The following RP1L1 variants were observed in gnomAD, a reference collection of about 807,000 sequenced individuals.
RP1L1 encodes RP1 like 1, also known as retinitis pigmentosa 1-like 1 protein.
RP1L1 carries 27 observed loss-of-function variants against 15.7 expected under a neutral mutation model. The ratio of observed to expected loss-of-function variants is 1.72; its 90% CI spans 1.27 to 2.38. The LOEUF is 2.38. Among genes scored for constraint, RP1L1 ranks in the 30% most tolerant of loss-of-function variants. RP1L1 has a pLI of 0.00. For missense variants in RP1L1, 4,798 were observed against 3,075.9 expected, an observed-to-expected ratio of 1.56 and a Z score of -13.24; for synonymous variants, 1,813 against 1,276.7, an observed-to-expected ratio of 1.42 and a Z score of -8.96.
At chr8:10,639,882 A>G (rs1440875402) in intron 1 of RP1L1, among the ~76,000 whole-genome samples, 1 of 152,200 alleles carries the variant, frequency 6.6e-6, no homozygotes, top group Non-Finnish European at 1.5e-5. Flanking sequence ...AAGTTCCTCC[A>G]TTATTTCCCT....
rs1228333580 is a variant in RP1L1 at position 10,607,592 on chromosome 8, G to C, written c.6506C>G (p.Ala2169Gly). The part of the protein sequence containing the change: ...PESEGIEAQE[A>G]EEEAQPELEG... ...TAACTCTGGTTGGGCCTCCTCTTCAGCCTCCTGGGCCTCTATACCTTCTGA... is the reference window on the plus strand; with the variant it reads ...TAACTCTGGTTGGGCCTCCTCTTCACCCTCCTGGGCCTCTATACCTTCTGA... The change falls in exon 4 of 4, where the codon GCT becomes GGT. Residue 2169 changes from alanine to glycine, a missense_variant. Coordinates refer to ENST00000382483, the MANE Select transcript of RP1L1 (RefSeq NM_178857.6). 6.4e-7 allele frequency: 1 copy of C among 1,564,734 alleles called. No homozygotes were observed. The highest frequency in any genetic ancestry group is 1.7e-5 in the Admixed American group (1 of 57,166).
Position 10,608,327 on chromosome 8 carries a change from G to A in RP1L1, c.5771C>T (p.Ala1924Val), listed in dbSNP as rs774309647. 1 of 1,613,184 alleles carries A rather than the reference G, an allele frequency of 6.2e-7. No individual in the cohort carries two copies. The highest frequency in any genetic ancestry group is 8.5e-7 in the Non-Finnish European group (1 of 1,179,840). The change falls in exon 4 of 4, where the codon GCC (alanine) becomes GTC (valine). Residue 1924 changes from alanine to valine, a missense_variant. By Grantham distance (64) the Ala-to-Val change is moderately conservative. Transcript: ENST00000382483. ...CTCGTCCTCCCCTTCAGTCTCCAGG[G>A]CCTCTACACTTTCTGTCTCTGGCTG... Reference protein sequence around the residue: ...EAQPETESVEALETEGEDEPE... With the variant: ...EAQPETESVEVLETEGEDEPE...
chr8:10,609,398 C>G lies in RP1L1; in HGVS notation c.4700G>C (p.Arg1567Pro). ...CTCTCTCTTGGTGCTGTCCTGGAGG[C>G]GTTGGGCCACGTCCTGCTGCAGCTC... The part of the protein sequence containing the change: ...AAELQQDVAQ[R>P]LQDSTKRELQ... Residue 1567 changes from arginine (R) to proline (P), a missense_variant, in exon 4 of 4, where the codon CGC (arginine) becomes CCC (proline). By Grantham distance (103) the Arg-to-Pro change is moderately radical. Coordinates refer to ENST00000382483, the MANE Select transcript of RP1L1 (RefSeq NM_178857.6). The G allele has an allele frequency of 1.2e-6, 2 of 1,612,330 alleles. No homozygotes were observed. The highest frequency in any genetic ancestry group is 1.7e-6 in the Non-Finnish European group (2 of 1,179,918).
rs1429388647 is a variant in RP1L1, at chr8:10,610,445, G to A, written c.3653C>T (p.Ala1218Val). ...GGSGESSVPC[A>V]MDGTLVTQGT... ...CTGTGTCACCAGGGTGCCGTCCATG[G>A]CACAGGGTACGCTACTCTCCCCTGA... The change falls in exon 4 of 4, where the codon GCC (alanine) becomes GTC (valine). Residue 1218 changes from alanine to valine, a missense_variant. Transcript: ENST00000382483. The A allele has an allele frequency of 3.7e-6, 6 of 1,613,702 alleles. No homozygotes were observed. Among genetic ancestry groups the A allele is most frequent in the Non-Finnish European group, 5.1e-6 (6 of 1,180,024 alleles).
At chr8:10,623,964 C>G (rs1277796436) in intron 1 of RP1L1, among the ~76,000 whole-genome samples, 1 of 151,570 alleles carries the variant, frequency 6.6e-6, no homozygotes, top group East Asian at 1.9e-4. Context: ...CCTGGCATCA[C>G]CATGTCCCCA....
intron 2 of RP1L1, among the ~76,000 whole-genome samples, chr8:10,619,468 A>G (rs893087646): frequency 2.0e-5 from 3 of 152,182 alleles, no homozygotes; most frequent in African/African-American, 7.2e-5. Flanking sequence ...CAGTCATTCC[A>G]GAGGCAACCC....
intron 1 of RP1L1, among the ~76,000 whole-genome samples, chr8:10,624,406 A>G (rs1798124495): frequency 1.3e-5 from 2 of 152,218 alleles, no homozygotes; most frequent in South Asian, 2.1e-4. Flanking sequence ...ACCACAATAT[A>G]CACTGGGTGT....
At position 10,610,413 on chromosome 8, in the gene RP1L1, C is replaced by T. The variant is rs924464860; in HGVS notation, c.3685G>A (p.Glu1229Lys). The change falls in exon 4 of 4, where the codon GAG becomes AAG. Residue 1229 changes from glutamate to lysine, a missense_variant. Coordinates refer to ENST00000382483, the MANE Select transcript of RP1L1 (RefSeq NM_178857.6). ...TGGTTGGAGGTTTTCAGGGGCAGCT[C>T]TGTCCCCTGTGTCACCAGGGTGCCG... ...MDGTLVTQGT[E>K]LPLKTSNQRP... 1.9e-6 allele frequency: 3 copies of T among 1,613,988 alleles called. No individual in the cohort carries two copies. The highest frequency in any genetic ancestry group is 2.5e-6 in the Non-Finnish European group (3 of 1,180,040).
chr8:10,646,857 T>C lies in RP1L1; in HGVS notation c.-20+8041A>G, dbSNP rs141395921. Among the ~76,000 whole-genome samples, 503 of 152,312 alleles carry C rather than the reference T, an allele frequency of 3.3e-3. 5 individuals carry two copies. Among genetic ancestry groups the C allele is most frequent in the Non-Finnish European group, 4.2e-3 (286 of 68,014 alleles). On this transcript the variant is annotated intron_variant, in intron 1 of 3. Transcript: ENST00000382483. ...GATCACAGTGAAGATTAAACAAAGA[T>C]GGGTATTAAAGGCCTATTGTGTGTC... is the stretch of plus-strand genomic sequence containing the variant.
chr8:10,606,703 A>C lies in RP1L1; in HGVS notation c.*192T>G. ...TCACACTGCGTGTGGGACGGGCCGC[A>C]GAGCTCTCTGACACTTCTGGACTTA... On this transcript the variant is annotated 3_prime_UTR_variant, in exon 4 of 4. Transcript: ENST00000382483. 1.1e-6 allele frequency: 1 copy of C among 931,890 alleles called. No individual in the cohort carries two copies. The highest frequency in any genetic ancestry group is 1.6e-6 in the Non-Finnish European group (1 of 638,654). 57.7% of individuals were successfully genotyped at this position (931,890 alleles called of 1,614,324 possible).
intron 1 of RP1L1, among the ~76,000 whole-genome samples, chr8:10,624,224 G>A (rs113066644): frequency 1.9e-4 from 29 of 152,276 alleles, no homozygotes; most frequent in South Asian, 4.1e-4. Flanking sequence ...AAAGATTTCT[G>A]AGCATCTATT....
At position 10,606,523 on chromosome 8, in the gene RP1L1, A is replaced by C; in HGVS notation, c.*372T>G. 4.0e-6 allele frequency: 1 copy of C among 249,678 alleles called. No individual in the cohort carries two copies. The highest frequency in any genetic ancestry group is 7.8e-6 in the Non-Finnish European group (1 of 128,814). The allele number at this position is 249,678 out of a possible 1,614,324, so 15.5% of individuals were successfully genotyped here. The stretch of plus-strand genomic sequence containing the variant: ...GTAACAGGAGATCAACAGGGAAAAG[A>C]CAGAGAGCAACACTTGCTAGCAGAA... On this transcript the variant is annotated 3_prime_UTR_variant, in exon 4 of 4. Coordinates refer to ENST00000382483, the MANE Select transcript of RP1L1 (RefSeq NM_178857.6).
intron 2 of RP1L1, chr8:10,621,439 C>A (rs968588561): frequency 1.4e-4 from 37 of 266,840 alleles, no homozygotes; most frequent in Admixed American, 1.2e-3. Context: ...AATTCTCCTG[C>A]CTCAGCCTCC....
intron 1 of RP1L1, among the ~76,000 whole-genome samples, chr8:10,654,299 C>T (rs1021858018): frequency 6.6e-6 from 1 of 152,184 alleles, no homozygotes; most frequent in Non-Finnish European, 1.5e-5. Flanking sequence ...CTCTTCTGCA[C>T]AAATGGGCCC....
intron 1 of RP1L1, among the ~76,000 whole-genome samples, chr8:10,647,091 C>T (rs1426172315): frequency 6.6e-6 from 1 of 152,228 alleles, no homozygotes; most frequent in African/African-American, 2.4e-5. Flanking sequence ...CAGGAAAGAG[C>T]TGTCCCGCCT....
intron 1 of RP1L1, among the ~76,000 whole-genome samples, chr8:10,638,864 G>A (rs2117253839): frequency 6.6e-6 from 1 of 152,248 alleles, no homozygotes; most frequent in South Asian, 2.1e-4. Flanking sequence ...AGCAAGCACG[G>A]CCAGGCATGG....
chr8:10,631,472 T>G (rs967062732), intron 1 of RP1L1, among the ~76,000 whole-genome samples: 4 of 152,058 alleles, frequency 2.6e-5, no homozygotes, highest in African/African-American at 9.7e-5. Flanking sequence ...GGAGCACTTC[T>G]TCAAATACAT....
At chr8:10,627,277 A>T (rs1798173724) in intron 1 of RP1L1, among the ~76,000 whole-genome samples, 1 of 152,162 alleles carries the variant, frequency 6.6e-6, no homozygotes, top group South Asian at 2.1e-4. Context: ...TGCGATATAG[A>T]CAAACAAAGG....
intron 1 of RP1L1, among the ~76,000 whole-genome samples, chr8:10,650,211 A>C (rs1237058933): frequency 2.0e-5 from 3 of 152,184 alleles, no homozygotes. Context: ...GTCTCTACTC[A>C]TGAAGCCAGT....
Sources: gnomAD v4.1 joint callset for allele counts (sites outside exome capture counted in the v4.1 genomes callset) on GRCh38, gnomAD v4.1.1 for gene constraint, MANE v1.5 for transcripts, NCBI Gene and HGNC (gene_info 2026-07-23, HGNC 2026-07-21) for gene names.